FLNB: variants seen among roughly 807,000 people sequenced by gnomAD.
FLNB encodes the protein filamin B, also known as filamin-B.
In FLNB, 111 loss-of-function variants were observed where a neutral mutation model predicts 250.6. That is an observed-to-expected ratio of 0.44 (90% CI 0.38 to 0.52). FLNB has a LOEUF of 0.52. Among genes scored for constraint, FLNB ranks in the 20% least tolerant of loss-of-function variants. The pLI is 0.00. For synonymous variants in FLNB, 1,302 were observed against 1,372.1 expected (o/e 0.95, Z 1.13); for missense variants, 2,869 against 3,447.8 (o/e 0.83, Z 4.20).
chr3:58,145,407 C>T (rs2097334229), intron 32 of FLNB, among the ~76,000 whole-genome samples: 1 of 152,122 alleles, frequency 6.6e-6, no homozygotes, highest in Non-Finnish European at 1.5e-5. Context: ...TTTAACCGGT[C>T]CCCTGTTGTG....
chr3:58,134,592 G>T (rs979174389), intron 26 of FLNB, 24 bp from the exon 27 acceptor site: 5 of 1,346,564 alleles, frequency 3.7e-6, no homozygotes, highest in Middle Eastern at 2.0e-4. Flanking sequence ...ATTGACTAGG[G>T]TGTGTGTGTG....
intron 1 of FLNB, among the ~76,000 whole-genome samples, chr3:58,037,114 G>A (rs1037353496): frequency 6.8e-6 from 1 of 146,012 alleles, no homozygotes; most frequent in Non-Finnish European, 1.5e-5. Context: ...ACCCTGGCTG[G>A]AGTGCAGTGG....
chr3:58,011,061 C>T (rs1032592225), intron 1 of FLNB, among the ~76,000 whole-genome samples: 3 of 152,102 alleles, frequency 2.0e-5, no homozygotes, highest in African/African-American at 7.2e-5. Context: ...ATTACAGGCA[C>T]ATGCCACCAC....
At position 58,107,831 on chromosome 3, in the gene FLNB, G is replaced by A. The variant is rs537586653; in HGVS notation, c.1942-627G>A. Among the ~76,000 whole-genome samples the A allele has an allele frequency of 9.3e-4, 141 of 152,340 alleles. 1 individual carries two copies. The highest frequency in any genetic ancestry group is 3.7e-3 in the Admixed American group (56 of 15,298). On this transcript the variant is annotated intron_variant, in intron 12 of 45. Coordinates refer to ENST00000295956, the MANE Select transcript of FLNB (RefSeq NM_001457.4). ...GTCAGTCTGGGCTGGTAGCTACCCC[G>A]TTTTGGCCAAATGATATTCCTTTGC...
chr3:58,036,157 A>G (rs1045489605), intron 1 of FLNB, among the ~76,000 whole-genome samples: 2 of 152,168 alleles, frequency 1.3e-5, no homozygotes, highest in Admixed American at 6.5e-5. Flanking sequence ...CTGTTTCTTT[A>G]TTCTGACTGT....
At chr3:58,146,305 G>C (rs1182644014) in intron 33 of FLNB, among the ~76,000 whole-genome samples, 1 of 152,212 alleles carries the variant, frequency 6.6e-6, no homozygotes, top group Non-Finnish European at 1.5e-5. Context: ...TGGAATTTAA[G>C]TGTGTTTTGG....
Position 58,008,431 on chromosome 3 carries a change from C to G in FLNB, c.-134C>G. The G allele has an allele frequency of 1.8e-6, 2 of 1,094,752 alleles. No homozygotes were observed. Among genetic ancestry groups the G allele is most frequent in the East Asian group, 2.6e-5 (1 of 38,540 alleles). The allele number at this position is 1,094,752 out of a possible 1,614,324, so 67.8% of individuals were successfully genotyped here. On this transcript the variant is annotated 5_prime_UTR_variant, in exon 1 of 46. Transcript: ENST00000295956. ...AGGGGCGGGCGGCCGCAGAGCAGCACCGGCCGTGGCTCCGGTAGCAGCAAG... is the reference window on the plus strand; with the variant it reads ...AGGGGCGGGCGGCCGCAGAGCAGCAGCGGCCGTGGCTCCGGTAGCAGCAAG...
At chr3:58,088,949 G>A (rs930489665) in intron 4 of FLNB, among the ~76,000 whole-genome samples, 2 of 152,068 alleles carry the variant, frequency 1.3e-5, no homozygotes, top group African/African-American at 2.4e-5. Context: ...AGCATCAGTC[G>A]AGGTTGAATG....
At chr3:58,146,101 G>A (rs771042583) in intron 33 of FLNB, 52 bp downstream of exon 33, 18 of 1,604,440 alleles carry the variant, frequency 1.1e-5, no homozygotes, top group Non-Finnish European at 1.5e-5. Context: ...TTTGGAGGGT[G>A]AAGTGGACAC....
At chr3:58,132,291 GCACCCTCACC>G (rs2097308749) in intron 25 of FLNB, 3 of 472,738 alleles carry the variant, frequency 6.3e-6, no homozygotes, top group Non-Finnish European at 1.1e-5. Context: ...CATGAGATTG[GCACCCTCACC>G]TGCCCTGCAC....
chr3:58,022,904 G>A (rs533080515), intron 1 of FLNB, among the ~76,000 whole-genome samples: 139 of 151,382 alleles, frequency 9.2e-4, no homozygotes, highest in African/African-American at 3.2e-3. Flanking sequence ...TGCAACCTCC[G>A]CCTCCTGGGT....
At chr3:58,100,601 G>T (rs6445944) in intron 8 of FLNB, among the ~76,000 whole-genome samples, 83,060 of 126,420 alleles carry the variant, frequency 0.66, 27,070 homozygotes, top group East Asian at 0.95. Flanking sequence ...TTTTTTTTTT[G>T]TTTTGTTTTG....
chr3:58,090,809 C>T (rs761387695), intron 4 of FLNB, among the ~76,000 whole-genome samples: 31 of 152,222 alleles, frequency 2.0e-4, no homozygotes, highest in Middle Eastern at 3.4e-3. Context: ...CGGTGGCTCA[C>T]GCCTGTAATC....
chr3:58,094,462 T>G (rs967448371), intron 4 of FLNB, among the ~76,000 whole-genome samples: 2 of 152,236 alleles, frequency 1.3e-5, no homozygotes, highest in African/African-American at 4.8e-5. Context: ...AATGATTGAA[T>G]ATAATTTTTA....
At chr3:58,042,172 G>T (rs2097146937) in intron 1 of FLNB, among the ~76,000 whole-genome samples, 1 of 152,128 alleles carries the variant, frequency 6.6e-6, no homozygotes, top group African/African-American at 2.4e-5. Context: ...GGTGATTCAT[G>T]CTGGCCTGGT....
At chr3:58,076,621 A>ATT (rs1224866008) in intron 1 of FLNB, among the ~76,000 whole-genome samples, 133 of 141,024 alleles carry the variant, frequency 9.4e-4, no homozygotes, top group African/African-American at 3.3e-3. Context: ...TGCTCGGCTA[A>ATT]TTTTTTTTTT....
intron 19 of FLNB, 103 bp downstream of exon 19, chr3:58,119,092 A>G (rs2097283871): frequency 2.3e-6 from 2 of 876,776 alleles, no homozygotes; most frequent in Non-Finnish European, 2.0e-6. Flanking sequence ...AGCAAATTCT[A>G]TGTTAAGAGA....
At chr3:58,153,228 C>T (rs1235378894) in intron 38 of FLNB, 147 bp from the exon 39 acceptor site, 22 of 935,614 alleles carry the variant, frequency 2.4e-5, no homozygotes, top group Non-Finnish European at 3.7e-5. Flanking sequence ...AGGGCAGGCA[C>T]CCAGCCTGAA....
intron 2 of FLNB, chr3:58,078,259 C>G (rs929381089): frequency 1.4e-4 from 198 of 1,388,160 alleles, no homozygotes; most frequent in Non-Finnish European, 1.8e-4. Context: ...AGTTTTTACT[C>G]TAGTCCTTTA....
Sources: gnomAD v4.1 joint callset for allele counts (sites outside exome capture counted in the v4.1 genomes callset) on GRCh38, gnomAD v4.1.1 for gene constraint, MANE v1.5 for transcripts, NCBI Gene and HGNC (gene_info 2026-07-23, HGNC 2026-07-21) for gene names.